CADM2: variants seen among roughly 807,000 people sequenced by gnomAD.
CADM2 encodes the protein immunoglobulin superfamily member 4D.
A neutral mutation model predicts 49.8 loss-of-function variants in CADM2; 12 were observed. The observed-to-expected ratio is 0.24, with a 90% confidence interval of 0.15 to 0.39. CADM2 has a LOEUF of 0.39. Ranked by LOEUF, CADM2 falls within the 10% of genes least tolerant of loss-of-function variation. The pLI is 1.00. For synonymous variants in CADM2, 214 were observed against 175.4 expected, an observed-to-expected ratio of 1.22 and a Z score of -1.74; for missense variants, 378 against 492.3, an observed-to-expected ratio of 0.77 and a Z score of 2.20.
chr3:85,610,131 A>T (rs990232724), intron 1 of CADM2, among the ~76,000 whole-genome samples: 1 of 151,964 alleles, frequency 6.6e-6, no homozygotes, highest in Non-Finnish European at 1.5e-5. Flanking sequence ...CTAATGAACC[A>T]TAAGGATCTA....
intron 1 of CADM2, among the ~76,000 whole-genome samples, chr3:85,020,979 C>G (rs192354096): frequency 1.3e-5 from 2 of 151,540 alleles, no homozygotes; most frequent in South Asian, 4.2e-4. Context: ...GGGCCAGGAG[C>G]CAGGGCTCAC....
chr3:85,569,619 G>A (rs1438722028), intron 1 of CADM2, among the ~76,000 whole-genome samples: 2 of 150,188 alleles, frequency 1.3e-5, no homozygotes, highest in East Asian at 2.0e-4. Flanking sequence ...TTAGCATTCC[G>A]ATAGGTGTGT....
intron 1 of CADM2, among the ~76,000 whole-genome samples, chr3:85,182,555 A>G (rs1559707401): frequency 6.6e-6 from 1 of 152,064 alleles, no homozygotes; most frequent in Non-Finnish European, 1.5e-5. Flanking sequence ...ATTAGAAGAG[A>G]CTAAGGAGAT....
At chr3:85,616,278 T>C (rs896508130) in intron 1 of CADM2, among the ~76,000 whole-genome samples, 8 of 151,864 alleles carry the variant, frequency 5.3e-5, no homozygotes, top group Non-Finnish European at 1.0e-4. Flanking sequence ...AATATCCGAA[T>C]TACCAAATTT....
At chr3:85,723,209 T>C (rs1280762373) in intron 1 of CADM2, among the ~76,000 whole-genome samples, 1 of 152,152 alleles carries the variant, frequency 6.6e-6, no homozygotes, top group African/African-American at 2.4e-5. Context: ...AAAAGTAGTA[T>C]GAATAATTGT....
At chr3:85,861,167 G>A (rs551772114) in intron 3 of CADM2, among the ~76,000 whole-genome samples, 2 of 152,248 alleles carry the variant, frequency 1.3e-5, no homozygotes, top group Non-Finnish European at 2.9e-5. Flanking sequence ...ACTATAGAAG[G>A]TAACCAGAAA....
At chr3:85,076,303 T>TTGTG (rs71108205) in intron 1 of CADM2, among the ~76,000 whole-genome samples, 12,223 of 139,268 alleles carry the variant, frequency 0.088, 605 homozygotes, top group African/African-American at 0.14. Flanking sequence ...AAAAAAGAAA[T>TTGTG]TGTGTGTGTG....
At chr3:85,056,646 T>G (rs575691422) in intron 1 of CADM2, among the ~76,000 whole-genome samples, 2 of 152,170 alleles carry the variant, frequency 1.3e-5, no homozygotes, top group South Asian at 4.1e-4. Context: ...GCATTTAATA[T>G]CTCCACAGGA....
intron 1 of CADM2, among the ~76,000 whole-genome samples, chr3:85,512,378 T>C (rs940033706): frequency 7.2e-5 from 11 of 152,150 alleles, no homozygotes; most frequent in African/African-American, 2.7e-4. Context: ...TAGTATTCCG[T>C]GGTGTATGTG....
chr3:85,878,517 A>T (rs1712253402), intron 3 of CADM2, among the ~76,000 whole-genome samples: 1 of 152,120 alleles, frequency 6.6e-6, no homozygotes. Context: ...CAGGATTCCA[A>T]ACCCCAAATA....
chr3:85,099,694 T>A (rs2037939143), intron 1 of CADM2, among the ~76,000 whole-genome samples: 1 of 152,086 alleles, frequency 6.6e-6, no homozygotes, highest in Non-Finnish European at 1.5e-5. Flanking sequence ...AGTCTCGAAC[T>A]CCCAACCTCA....
chr3:85,530,476 G>T (rs889132370), intron 1 of CADM2, among the ~76,000 whole-genome samples: 4 of 151,570 alleles, frequency 2.6e-5, no homozygotes, highest in Admixed American at 2.0e-4. Flanking sequence ...GACTACAGGC[G>T]CCCGCCACCA....
chr3:85,461,290 G>C (rs1421516648), intron 1 of CADM2, among the ~76,000 whole-genome samples: 10 of 152,068 alleles, frequency 6.6e-5, no homozygotes, highest in African/African-American at 9.7e-5. Context: ...ATCTCTATGA[G>C]ATTTCAGACA....
chr3:86,027,459 G>A (rs992971886), intron 8 of CADM2, among the ~76,000 whole-genome samples: 1 of 151,980 alleles, frequency 6.6e-6, no homozygotes, highest in Non-Finnish European at 1.5e-5. Flanking sequence ...AATCATTTTA[G>A]GACACACCTT....
At chr3:85,517,477 A>G (rs1314334179) in intron 1 of CADM2, among the ~76,000 whole-genome samples, 1 of 152,156 alleles carries the variant, frequency 6.6e-6, no homozygotes, top group African/African-American at 2.4e-5. Context: ...AGCTGAAAAC[A>G]TACCCTCTGT....
chr3:85,638,344 G>T (rs1346334149), intron 1 of CADM2, among the ~76,000 whole-genome samples: 1 of 151,958 alleles, frequency 6.6e-6, no homozygotes, highest in Non-Finnish European at 1.5e-5. Flanking sequence ...TTTAATTTCT[G>T]TGTTTCCTAA....
chr3:85,952,793 T>C (rs951850188), intron 7 of CADM2, among the ~76,000 whole-genome samples: 2 of 150,898 alleles, frequency 1.3e-5, no homozygotes, highest in Non-Finnish European at 3.0e-5. Flanking sequence ...CTCCCTTATG[T>C]AGGAACTTGT....
At chr3:86,013,838 T>A in intron 8 of CADM2, 1 of 1,590,750 alleles carries the variant, frequency 6.3e-7, no homozygotes, top group South Asian at 1.1e-5. Flanking sequence ...ACATTGTGTC[T>A]AGTGGATTTT....
chr3:85,254,674 G>A (rs1030011615), intron 1 of CADM2, among the ~76,000 whole-genome samples: 3 of 152,092 alleles, frequency 2.0e-5, no homozygotes, highest in Non-Finnish European at 4.4e-5. Flanking sequence ...GGTGTGATGA[G>A]ACCAGAGTAA....
Sources: gnomAD v4.1 joint callset for allele counts (sites outside exome capture counted in the v4.1 genomes callset) on GRCh38, gnomAD v4.1.1 for gene constraint, MANE v1.5 for transcripts, NCBI Gene and HGNC (gene_info 2026-07-23, HGNC 2026-07-21) for gene names.